Variants in HSPG2 observed in about 807,000 individuals in gnomAD.
The protein encoded by HSPG2 is basement membrane-specific heparan sulfate proteoglycan core protein.
In HSPG2, 278 loss-of-function variants were observed where a neutral mutation model predicts 526.6. The observed-to-expected ratio is 0.53, with a 90% CI of 0.48 to 0.58. HSPG2 has a LOEUF of 0.58. Among genes scored for constraint, HSPG2 ranks in the 20% least tolerant of loss-of-function variants. The pLI, the probability that HSPG2 is intolerant of heterozygous loss-of-function variation, is 0.00. For synonymous variants in HSPG2, 2,465 were observed against 2,555.4 expected, an observed-to-expected ratio of 0.96 and a Z score of 1.07; for missense variants, 5,354 against 6,099.5, an observed-to-expected ratio of 0.88 and a Z score of 4.07.
chr1:21,825,780 TTTTTA>T (rs1382171413), intron 91 of HSPG2, among the ~76,000 whole-genome samples: 2 of 151,620 alleles, frequency 1.3e-5, no homozygotes, highest in Non-Finnish European at 3.0e-5. Context: ...ATATAGATAA[TTTTTA>T]TTTTATTTAT....
At chr1:21,849,854 A>T (rs973174494) in intron 57 of HSPG2, among the ~76,000 whole-genome samples, 187 bp downstream of exon 57, 6 of 151,966 alleles carry the variant, frequency 3.9e-5, no homozygotes, top group African/African-American at 1.5e-4. Context: ...TAATTTGTGG[A>T]TTTTCAGTAG....
At chr1:21,909,169 G>A (rs1190528074) in intron 1 of HSPG2, among the ~76,000 whole-genome samples, 3 of 152,270 alleles carry the variant, frequency 2.0e-5, no homozygotes, top group East Asian at 3.9e-4. Context: ...GCAGAGACCC[G>A]CTGAGCAAAG....
chr1:21,902,254 G>A lies in HSPG2; in HGVS notation c.64-5944C>T, dbSNP rs898388680. 9.2e-5 allele frequency among the ~76,000 whole-genome samples: 14 copies of A among 152,322 alleles called. No homozygotes were observed. In the East Asian group the frequency reaches 1.7e-3, roughly 19 times the overall value. ...GGCCACAGCCTCCTCTGGCATGCTT[G>A]TGCTGCCCGTGCCACTCGGGAGGCC... On this transcript the variant is annotated intron_variant, in intron 1 of 96. Coordinates refer to ENST00000374695, the MANE Select transcript of HSPG2 (RefSeq NM_005529.7).
intron 1 of HSPG2, among the ~76,000 whole-genome samples, chr1:21,912,844 G>A (rs1643745281): frequency 1.3e-5 from 2 of 152,118 alleles, no homozygotes; most frequent in African/African-American, 4.8e-5. Flanking sequence ...GCACAGCATG[G>A]TGGCATGTGC....
Position 21,876,256 on chromosome 1 carries a change from G to A in HSPG2, c.2976C>T (p.Ser992=). The change falls in exon 23 of 97, where the codon AGC becomes AGT. Residue 992 remains serine (S), a synonymous_variant. Coordinates refer to ENST00000374695, the MANE Select transcript of HSPG2 (RefSeq NM_005529.7). ...HRLLSGPYFW[S]LPSRFLGDKV... ...TGTCCCCCAGGAAGCGTGAAGGGAG[G>A]CTCCAGAAGTAGGGTCCAGATAAGA... 6.2e-7 allele frequency: 1 copy of A among 1,612,894 alleles called. No homozygotes were observed. Among genetic ancestry groups the A allele is most frequent in the Non-Finnish European group, 8.5e-7 (1 of 1,179,576 alleles).
In HSPG2 at chr1:21,875,865, C is replaced by T. The variant is rs1340373597; in HGVS notation, c.3181G>A (p.Glu1061Lys). Residue 1061 changes from glutamate (E) to lysine (K), a missense_variant and splice_region_variant, in exon 24 of 97, where the codon GAG becomes AAG. Coordinates refer to ENST00000374695, the MANE Select transcript of HSPG2 (RefSeq NM_005529.7). ...CCCCAGGGGACAGTATTGCTCACCT[C>T]CCGGAAAGGCACAATGAAGGTGCTG... Reference protein sequence around the residue: ...QPSTFIVPFREQAWQRPDGQP... With the variant: ...QPSTFIVPFRKQAWQRPDGQP... The T allele has an allele frequency of 2.5e-6, 4 of 1,614,002 alleles. No homozygotes were observed. Among genetic ancestry groups the T allele is most frequent in the Middle Eastern group, 1.6e-4 (1 of 6,062 alleles).
rs1642055540 is a variant in HSPG2 at position 21,887,917 on chromosome 1, T to A, written c.703+21A>T. On this transcript the variant is annotated intron_variant, in intron 7 of 96. Coordinates refer to ENST00000374695, the MANE Select transcript of HSPG2 (RefSeq NM_005529.7). The surrounding 1 kb of genome is among the most constrained non-coding windows in gnomAD (Gnocchi z 5.0). ...CCTCCCCTGGCACCCAAACCACTCG[T>A]GGCCCCGGACATCCCCTCACCACAA... is the stretch of plus-strand genomic sequence containing the variant. The A allele has an allele frequency of 6.2e-7, 1 of 1,613,820 alleles. No individual in the cohort carries two copies. The highest frequency in any genetic ancestry group is 1.7e-5 in the Admixed American group (1 of 59,990).
chr1:21,903,702 A>G (rs1029020631), intron 1 of HSPG2, among the ~76,000 whole-genome samples: 2 of 152,236 alleles, frequency 1.3e-5, no homozygotes, highest in Non-Finnish European at 2.9e-5. Context: ...GGCATGTGGA[A>G]TGAGGCGGTG....
chr1:21,887,190 CT>C lies in HSPG2; in HGVS notation c.1078+24del, dbSNP rs1438856320. ...AGCGGCCTGGGCAGGGCAAGGGGGCCTCAGCTGGACCCTCGGATACTCACGG... is the reference window on the plus strand; with the variant it reads ...AGCGGCCTGGGCAGGGCAAGGGGGCCCAGCTGGACCCTCGGATACTCACGG... On this transcript the variant is annotated intron_variant, in intron 9 of 96. Transcript: ENST00000374695. This position sits in a 1 kb window ranked among gnomAD's most constrained non-coding sequence, Gnocchi z 5.0. 1 of 1,589,234 alleles carries C rather than the reference CT, an allele frequency of 6.3e-7. No homozygotes were observed. The highest frequency in any genetic ancestry group is 1.4e-5 in the African/African-American group (1 of 73,598).
Position 21,857,049 on chromosome 1 carries a change from G to A in HSPG2, c.5541C>T (p.Ala1847=). 3 of 1,614,192 alleles carry A rather than the reference G, an allele frequency of 1.9e-6. No individual in the cohort carries two copies. The highest frequency in any genetic ancestry group is 2.5e-6 in the Non-Finnish European group (3 of 1,180,038). ...TYVCTGSNMF[A]MDQGTATLHV... is the part of the protein sequence containing the mutation. ...GTAGAGTGGCTGTGCCCTGGTCCAT[G>A]GCAAACATGTTGGAGCCGGTGCACA... The change falls in exon 44 of 97, where the codon GCC becomes GCT. Residue 1847 remains alanine, a synonymous_variant. Coordinates refer to ENST00000374695, the MANE Select transcript of HSPG2 (RefSeq NM_005529.7).
chr1:21,872,968 GC>G lies in HSPG2; in HGVS notation c.3888+28del, dbSNP rs35089148. ...GGGTCTGGGCAGCGGGGCAGAGCAGGCCCCGCAGGGACAGGGATTCGGACTG... is the reference window on the plus strand; with the variant it reads ...GGGTCTGGGCAGCGGGGCAGAGCAGGCCCGCAGGGACAGGGATTCGGACTG... On this transcript the variant is annotated intron_variant, in intron 31 of 96. Transcript: ENST00000374695. The surrounding 1 kb of genome is among the most constrained non-coding windows in gnomAD (Gnocchi z 5.5). The G allele has an allele frequency of 6.3e-7, 1 of 1,594,324 alleles. No homozygotes were observed. The highest frequency in any genetic ancestry group is 1.3e-5 in the African/African-American group (1 of 74,672).
chr1:21,829,678 C>G (rs1317836453), intron 86 of HSPG2, 74 bp from the exon 87 acceptor site: 1 of 1,295,810 alleles, frequency 7.7e-7, no homozygotes, highest in Non-Finnish European at 1.1e-6. Flanking sequence ...CTCTGCCTTC[C>G]TCTGGGACCC....
intron 1 of HSPG2, among the ~76,000 whole-genome samples, chr1:21,921,446 A>C (rs574420834): frequency 2.6e-5 from 4 of 152,252 alleles, no homozygotes; most frequent in African/African-American, 9.6e-5. Flanking sequence ...GTGGGCCCTA[A>C]GACTGTCTCC....
intron 3 of HSPG2, among the ~76,000 whole-genome samples, chr1:21,892,591 C>T (rs889821932): frequency 2.6e-5 from 4 of 152,220 alleles, no homozygotes; most frequent in East Asian, 1.9e-4. Context: ...AACCAGCCCC[C>T]GGGCTGGGTG....
rs1482354662 is a variant in HSPG2 at position 21,893,718 on chromosome 1, C to T, written c.244+2204G>A. ...GAAGGGACATTGACAGCGAGGGAGA[C>T]GAGATGGAGAGAAGCAGAGAGAGAG... On this transcript the variant is annotated intron_variant, in intron 3 of 96. Transcript: ENST00000374695. The surrounding 1 kb of genome is among the most constrained non-coding windows in gnomAD (Gnocchi z 4.3). Among the ~76,000 whole-genome samples the T allele has an allele frequency of 4.0e-5, 6 of 150,656 alleles. No individual in the cohort carries two copies. Among genetic ancestry groups the T allele is most frequent in the South Asian group, 4.2e-4 (2 of 4,762 alleles).
At chr1:21,874,163 G>C (rs1640871709) in intron 28 of HSPG2, 152 bp from the exon 29 acceptor site, 1 of 839,554 alleles carries the variant, frequency 1.2e-6, no homozygotes, top group Admixed American at 2.2e-5. Flanking sequence ...TGTGCTAAGA[G>C]TTCCACATGC....
rs1448051985 is a variant in HSPG2, at chr1:21,876,520, G to A, written c.2818C>T (p.Arg940Cys). The change falls in exon 22 of 97, where the codon CGT becomes TGT. Residue 940 changes from arginine to cysteine, a missense_variant. Arg to Cys is a radical substitution (Grantham distance 180). Coordinates refer to ENST00000374695, the MANE Select transcript of HSPG2 (RefSeq NM_005529.7). ...CCACCTTGCAGAGGTACCTGGGCAC[G>A]GCTCCATGAAGAGCTGGTGCAGTGG... is the stretch of plus-strand genomic sequence containing the variant. Reference protein sequence around the residue: ...SRHCTSSSWSRAQLHGASEEP... With the variant: ...SRHCTSSSWSCAQLHGASEEP... 2.4e-5 allele frequency: 38 copies of A among 1,614,040 alleles called. No homozygotes were observed. Among genetic ancestry groups the A allele is most frequent in the Non-Finnish European group, 3.1e-5 (36 of 1,180,022 alleles).
rs1639611117 is a variant in HSPG2, at chr1:21,859,493, A to G, written c.5293+73T>C. ...CCCCCTCCCAGCAGGTGAATGCACC[A>G]TCTGCCTGAATCTGCAGCCTGCAGC... On this transcript the variant is annotated intron_variant, in intron 42 of 96. Transcript: ENST00000374695. This position sits in a 1 kb window ranked among gnomAD's most constrained non-coding sequence, Gnocchi z 5.3. The G allele has an allele frequency of 3.4e-6, 4 of 1,180,372 alleles. No homozygotes were observed. The East Asian group carries it at 7.7e-5, about 23-fold the overall frequency. 73.1% of individuals were successfully genotyped at this position (1,180,372 alleles called of 1,614,324 possible). A position where few individuals can be genotyped will look rare whatever the true frequency, so the allele number is the denominator to read the frequency against.
intron 47 of HSPG2, 137 bp from the exon 48 acceptor site, chr1:21,855,120 G>T: frequency 7.4e-7 from 1 of 1,353,996 alleles, no homozygotes; most frequent in Non-Finnish European, 1.0e-6. Context: ...GAGGACAAAC[G>T]CCAGGCAGCC....
Sources: allele counts gnomAD v4.1 joint callset (sites outside exome capture counted in the v4.1 genomes callset), GRCh38; gene constraint gnomAD v4.1.1; non-coding constraint Gnocchi (gnomAD v3.1); transcripts MANE v1.5; gene names NCBI Gene and HGNC (gene_info 2026-07-23, HGNC 2026-07-21).